GLI3: variants seen among roughly 807,000 people sequenced by gnomAD.
GLI3 encodes the protein GLI family zinc finger 3.
A neutral mutation model predicts 100.8 loss-of-function variants in GLI3; 20 were observed. That is an observed-to-expected ratio of 0.20 (90% confidence interval 0.14 to 0.29). The LOEUF is 0.29. Ranked by LOEUF, GLI3 falls within the 10% of genes least tolerant of loss-of-function variation. The probability of loss-of-function intolerance (pLI) is 1.00; values close to 1 mark genes in which losing one functional copy is unlikely to be tolerated. For missense variants in GLI3, 2,040 were observed against 2,128.5 expected (o/e 0.96, Z 0.82); for synonymous variants, 938 against 860.5 (o/e 1.09, Z -1.58).
intron 2 of GLI3, among the ~76,000 whole-genome samples, chr7:42,198,359 T>C (rs1478880989): frequency 5.3e-5 from 8 of 152,102 alleles, no homozygotes; most frequent in African/African-American, 1.7e-4. Flanking sequence ...GGCAGTCAAG[T>C]GTCTGAGGCT....
intron 3 of GLI3, among the ~76,000 whole-genome samples, chr7:42,087,452 C>T (rs1475394874): frequency 1.3e-5 from 2 of 152,208 alleles, no homozygotes; most frequent in African/African-American, 4.8e-5. Flanking sequence ...TGAGTAAACT[C>T]ACCACCCTAC....
At chr7:42,206,087 G>A (rs541803074) in intron 2 of GLI3, among the ~76,000 whole-genome samples, 1 of 152,148 alleles carries the variant, frequency 6.6e-6, no homozygotes, top group East Asian at 1.9e-4. Flanking sequence ...GACCAATATG[G>A]TGAAACCCCA....
chr7:42,057,718 C>A (rs1245077186), intron 4 of GLI3, among the ~76,000 whole-genome samples: 1 of 152,096 alleles, frequency 6.6e-6, no homozygotes, highest in East Asian at 1.9e-4. Context: ...GAAATAATTT[C>A]TTTTGAAACT....
chr7:42,048,820 A>G, intron 4 of GLI3, 124 bp from the exon 5 acceptor site: 2 of 727,608 alleles, frequency 2.7e-6, no homozygotes, highest in Non-Finnish European at 5.0e-6. Context: ...TGTGGAAAAA[A>G]CTGCAGGCAA....
chr7:42,078,461 C>T (rs1784927087), intron 3 of GLI3, among the ~76,000 whole-genome samples: 1 of 152,094 alleles, frequency 6.6e-6, no homozygotes, highest in Admixed American at 6.6e-5. Context: ...TGTGGTCTAC[C>T]AGGGAAGGAC....
At chr7:42,200,805 G>A (rs1227851232) in intron 2 of GLI3, among the ~76,000 whole-genome samples, 2 of 149,534 alleles carry the variant, frequency 1.3e-5, no homozygotes. Flanking sequence ...AAACTTTTCA[G>A]AAAAAAAAAA....
At chr7:42,070,296 G>T (rs992736566) in intron 4 of GLI3, among the ~76,000 whole-genome samples, 6 of 152,186 alleles carry the variant, frequency 3.9e-5, no homozygotes, top group African/African-American at 1.4e-4. Context: ...GGCTTTTTAT[G>T]GCTCTTCGCA....
intron 13 of GLI3, among the ~76,000 whole-genome samples, chr7:41,968,860 G>A (rs948222421): frequency 2.0e-5 from 3 of 152,172 alleles, no homozygotes; most frequent in African/African-American, 7.2e-5. Context: ...TCTCCTTAGT[G>A]TACTCCCTAA....
chr7:42,212,852 C>T (rs146553072), intron 2 of GLI3, among the ~76,000 whole-genome samples: 2 of 152,314 alleles, frequency 1.3e-5, no homozygotes, highest in East Asian at 1.9e-4. Flanking sequence ...GCATCTCTTC[C>T]CTTCCTTCAA....
At chr7:42,147,939 CAA>C (rs1267963447) in intron 3 of GLI3, among the ~76,000 whole-genome samples, 1 of 152,062 alleles carries the variant, frequency 6.6e-6, no homozygotes, top group African/African-American at 2.4e-5. Flanking sequence ...TACTTCTCAA[CAA>C]AAGTCTCATG....
intron 2 of GLI3, among the ~76,000 whole-genome samples, chr7:42,199,721 G>C (rs1392938661): frequency 6.6e-6 from 1 of 152,162 alleles, no homozygotes; most frequent in Non-Finnish European, 1.5e-5. Context: ...GTGATGATGG[G>C]CTGAGGCCAA....
In GLI3 at chr7:42,026,174, G is replaced by A. The variant is rs375904354; in HGVS notation, c.1242+25C>T. ...CCACCCTCGGCTGACCAGCACGGCC[G>A]GGTGCATCGACCTGTCCCTCTCACC... is the stretch of plus-strand genomic sequence containing the variant. On this transcript the variant is annotated intron_variant, in intron 8 of 14. Coordinates refer to ENST00000395925, the MANE Select transcript of GLI3 (RefSeq NM_000168.6). 78 of 1,560,752 alleles carry A rather than the reference G, an allele frequency of 5.0e-5. No individual in the cohort carries two copies. Among genetic ancestry groups the A allele is most frequent in the African/African-American group, 3.3e-4 (24 of 73,740 alleles).
intron 2 of GLI3, among the ~76,000 whole-genome samples, chr7:42,155,401 T>C (rs1786978080): frequency 6.7e-6 from 1 of 149,376 alleles, no homozygotes; most frequent in African/African-American, 2.5e-5. Flanking sequence ...ATCACGCCAT[T>C]GCACTCCAGC....
intron 1 of GLI3, chr7:42,227,706 G>A (rs976718173): frequency 4.6e-5 from 7 of 152,148 alleles, no homozygotes; most frequent in African/African-American, 1.7e-4. Context: ...AACAGAAAGC[G>A]AGCAAGAGAA....
chr7:41,990,413 C>T (rs961403059), intron 10 of GLI3, among the ~76,000 whole-genome samples: 6 of 152,172 alleles, frequency 3.9e-5, no homozygotes, highest in East Asian at 1.9e-4. Flanking sequence ...AAATAAAAAA[C>T]GTAAATGAAA....
intron 2 of GLI3, among the ~76,000 whole-genome samples, chr7:42,153,082 G>A (rs1786914256): frequency 6.6e-6 from 1 of 152,186 alleles, no homozygotes; most frequent in East Asian, 1.9e-4. Flanking sequence ...ATGCCTTGAG[G>A]CTAAAGGAAG....
upstream of GLI3, among the ~76,000 whole-genome samples, chr7:42,242,024 G>A (rs1398937415): frequency 6.6e-6 from 1 of 152,126 alleles, no homozygotes; most frequent in Non-Finnish European, 1.5e-5. Flanking sequence ...TTTTCTTGAG[G>A]TCTCTCCTTC....
intron 10 of GLI3, among the ~76,000 whole-genome samples, chr7:41,980,900 G>A (rs915672817): frequency 6.6e-6 from 1 of 152,152 alleles, no homozygotes; most frequent in African/African-American, 2.4e-5. Flanking sequence ...ACAGGTCATG[G>A]CTTAAATTAC....
At chr7:42,007,216 G>GA (rs1788482064) in intron 10 of GLI3, among the ~76,000 whole-genome samples, 4 of 48,396 alleles carry the variant, frequency 8.3e-5, no homozygotes, top group African/African-American at 1.9e-4. Context: ...TGCTAAGGAG[G>GA]AAATTTAAAA....
Sources: allele counts gnomAD v4.1 joint callset (sites outside exome capture counted in the v4.1 genomes callset), GRCh38; gene constraint gnomAD v4.1.1; transcripts MANE v1.5; gene names NCBI Gene and HGNC (gene_info 2026-07-23, HGNC 2026-07-21).